The following OSBPL11 variants were observed in gnomAD, a reference collection of about 807,000 sequenced individuals.
OSBPL11 encodes the protein oxysterol binding protein like 11, also known as oxysterol-binding protein-related protein 11.
Under a neutral mutation model 84.4 loss-of-function variants are expected in OSBPL11, and 33 were observed. The observed-to-expected ratio is 0.39, with a 90% CI of 0.30 to 0.52. The LOEUF (loss-of-function observed/expected upper bound fraction) is 0.52. OSBPL11 is among the 20% of genes least tolerant of loss of function. OSBPL11 has a pLI of 0.72. For synonymous variants in OSBPL11, 276 were observed against 310.2 expected (o/e 0.89, Z 1.16); for missense variants, 736 against 901.1 (o/e 0.82, Z 2.35).
intron 7 of OSBPL11, among the ~76,000 whole-genome samples, chr3:125,562,563 T>C (rs1300972899): frequency 1.3e-5 from 2 of 152,198 alleles, no homozygotes; most frequent in African/African-American, 2.4e-5. Flanking sequence ...TAAAGTACCA[T>C]AAACTATGCA....
chr3:125,594,819 T>C lies in OSBPL11; in HGVS notation c.-19A>G. On this transcript the variant is annotated 5_prime_UTR_variant, in exon 1 of 13. Coordinates refer to ENST00000296220, the MANE Select transcript of OSBPL11 (RefSeq NM_022776.5). ...CCTGCATCTTAACGCCAAAGTCCAC[T>C]TGCCCTTCTTGAGCGGGAGAGAACA... The C allele has an allele frequency of 1.2e-6, 2 of 1,611,064 alleles. No individual in the cohort carries two copies. Among genetic ancestry groups the C allele is most frequent in the Non-Finnish European group, 1.7e-6 (2 of 1,177,992 alleles).
At chr3:125,533,143 T>C (rs1935586305) in intron 11 of OSBPL11, among the ~76,000 whole-genome samples, 1 of 151,936 alleles carries the variant, frequency 6.6e-6, no homozygotes, top group Admixed American at 6.6e-5. Flanking sequence ...ACATCTGTTT[T>C]TTCTTTCTTT....
intron 9 of OSBPL11, among the ~76,000 whole-genome samples, chr3:125,551,835 T>C (rs935245538): frequency 1.3e-5 from 2 of 151,916 alleles, no homozygotes; most frequent in Admixed American, 1.3e-4. Flanking sequence ...AAAAATAATT[T>C]AAAAAGAGAA....
intron 6 of OSBPL11, among the ~76,000 whole-genome samples, chr3:125,564,787 T>G (rs1936131422): frequency 6.6e-6 from 1 of 152,030 alleles, no homozygotes; most frequent in African/African-American, 2.4e-5. Flanking sequence ...CCCGGGTAGC[T>G]GGGACTACAG....
At chr3:125,558,029 T>C (rs1239943788) in intron 8 of OSBPL11, among the ~76,000 whole-genome samples, 1 of 152,032 alleles carries the variant, frequency 6.6e-6, no homozygotes, top group Non-Finnish European at 1.5e-5. Context: ...CTTGAGCTCA[T>C]GTAATCCACC....
intron 9 of OSBPL11, among the ~76,000 whole-genome samples, chr3:125,548,139 A>G (rs1408691086): frequency 6.6e-6 from 1 of 152,186 alleles, no homozygotes; most frequent in Non-Finnish European, 1.5e-5. Flanking sequence ...TCGGCCTCCC[A>G]AAACGCTGGG....
intron 5 of OSBPL11, among the ~76,000 whole-genome samples, chr3:125,570,034 A>T (rs1456182449): frequency 6.6e-6 from 1 of 152,188 alleles, no homozygotes; most frequent in Non-Finnish European, 1.5e-5. Context: ...AGTATGTTAT[A>T]AGCCAATAAA....
intron 5 of OSBPL11, among the ~76,000 whole-genome samples, chr3:125,570,471 C>T (rs994034709): frequency 6.6e-6 from 1 of 152,056 alleles, no homozygotes; most frequent in African/African-American, 2.4e-5. Flanking sequence ...GAGCTATGCA[C>T]TCCAGCCTGG....
At chr3:125,577,035 C>T (rs184482190) in intron 4 of OSBPL11, among the ~76,000 whole-genome samples, 53 of 152,304 alleles carry the variant, frequency 3.5e-4, no homozygotes, top group African/African-American at 1.3e-3. Flanking sequence ...AATACATTTC[C>T]TAATGTAACA....
intron 8 of OSBPL11, among the ~76,000 whole-genome samples, chr3:125,556,079 T>C (rs548774493): frequency 7.2e-5 from 11 of 152,254 alleles, no homozygotes; most frequent in African/African-American, 2.2e-4. Context: ...CAAATCTTTC[T>C]GAGAAATTAA....
chr3:125,538,419 C>G, intron 11 of OSBPL11, 32 bp downstream of exon 11: 1 of 1,595,152 alleles, frequency 6.3e-7, no homozygotes, highest in Non-Finnish European at 8.5e-7. Flanking sequence ...GAGCATCTGA[C>G]TCTTTCCTGG....
chr3:125,561,104 TCTCCTGCCTCACC>T (rs1329530597), intron 7 of OSBPL11, among the ~76,000 whole-genome samples: 2 of 152,024 alleles, frequency 1.3e-5, no homozygotes, highest in African/African-American at 4.8e-5. Context: ...TTCAAGCGAT[TCTCCTGCCTCACC>T]CTCCCAAGTA....
At chr3:125,589,077 G>A (rs1335683401) in intron 1 of OSBPL11, among the ~76,000 whole-genome samples, 1 of 152,070 alleles carries the variant, frequency 6.6e-6, no homozygotes, top group Admixed American at 6.6e-5. Context: ...AGCCGGGTGC[G>A]GTGGCTCACG....
intron 8 of OSBPL11, among the ~76,000 whole-genome samples, chr3:125,553,871 A>G (rs962551525): frequency 6.6e-6 from 1 of 152,208 alleles, no homozygotes; most frequent in African/African-American, 2.4e-5. Flanking sequence ...AATTCCACTG[A>G]AATTAAATTA....
At chr3:125,583,007 G>A (rs372000593) in intron 1 of OSBPL11, 29 bp from the exon 2 acceptor site, 14 of 1,498,750 alleles carry the variant, frequency 9.3e-6, no homozygotes, top group Non-Finnish European at 1.3e-5. Context: ...GCCAAAGTTA[G>A]TAAAAATTAG....
At chr3:125,566,002 C>T (rs1936148297) in intron 6 of OSBPL11, among the ~76,000 whole-genome samples, 1 of 152,024 alleles carries the variant, frequency 6.6e-6, no homozygotes, top group African/African-American at 2.4e-5. Context: ...TAGCACCCTA[C>T]ACGTTATTAT....
intron 5 of OSBPL11, among the ~76,000 whole-genome samples, chr3:125,573,310 A>C (rs1936270000): frequency 6.6e-6 from 1 of 152,174 alleles, no homozygotes; most frequent in South Asian, 2.1e-4. Context: ...CTCAGGTGGC[A>C]TATAATTTGT....
At chr3:125,573,436 A>G (rs1244378854) in intron 5 of OSBPL11, among the ~76,000 whole-genome samples, 2 of 152,218 alleles carry the variant, frequency 1.3e-5, no homozygotes, top group Non-Finnish European at 2.9e-5. Flanking sequence ...AGCATGAAGC[A>G]TGGACTGAAA....
At chr3:125,560,130 G>A (rs1308236206) in intron 8 of OSBPL11, among the ~76,000 whole-genome samples, 1 of 151,830 alleles carries the variant, frequency 6.6e-6, no homozygotes, top group African/African-American at 2.4e-5. Context: ...GCATGGTGGT[G>A]GGCACCTGTA....
Sources: gnomAD v4.1 joint callset for allele counts (sites outside exome capture counted in the v4.1 genomes callset) on GRCh38, gnomAD v4.1.1 for gene constraint, MANE v1.5 for transcripts, NCBI Gene and HGNC (gene_info 2026-07-23, HGNC 2026-07-21) for gene names.